WNT2B: variants seen among roughly 807,000 people sequenced by gnomAD.
WNT2B encodes the protein Wnt family member 2B.
Under a neutral mutation model 40.5 loss-of-function variants are expected in WNT2B, and 19 were observed. The observed-to-expected ratio is 0.47, with a 90% CI of 0.33 to 0.69. The LOEUF (loss-of-function observed/expected upper bound fraction) is 0.69, where lower values mean the gene tolerates loss of function less well. Ranked by LOEUF, WNT2B falls within the 30% of genes least tolerant of loss-of-function variation. The probability of loss-of-function intolerance (pLI) is 0.02; values close to 1 mark genes in which losing one functional copy is unlikely to be tolerated. For synonymous variants in WNT2B, 220 were observed against 211.9 expected, an observed-to-expected ratio of 1.04 and a Z score of -0.33; for missense variants, 467 against 556.4, an observed-to-expected ratio of 0.84 and a Z score of 1.62.
rs948760829 is a variant in WNT2B at position 112,473,008 on chromosome 1, G to GGA, written c.-95+5429_-95+5430dup. Among the ~76,000 whole-genome samples, 7 of 131,326 alleles carry GGA rather than the reference G, an allele frequency of 5.3e-5. 1 individual carries two copies. Among genetic ancestry groups the GGA allele is most frequent in the Admixed American group, 5.3e-4 (7 of 13,262 alleles). 86.2% of individuals were successfully genotyped at this position (131,326 alleles called of 152,430 possible). On this transcript the variant is annotated intron_variant, in intron 1 of 4. Coordinates refer to the WNT2B transcript ENST00000256640. The stretch of plus-strand genomic sequence containing the variant: ...AGAGAGGGAGGGAGGGGAGGGAAGG[G>GGA]GAGAGAGAGAGAGGGAAGGAGGGAG...
rs1652267962 is a variant in WNT2B at position 112,509,499 on chromosome 1, G to A, written c.182+55G>A. The A allele has an allele frequency of 6.6e-7, 1 of 1,507,334 alleles. No homozygotes were observed. The highest frequency in any genetic ancestry group is 8.7e-7 in the Non-Finnish European group (1 of 1,145,712). 93.4% of individuals were successfully genotyped at this position (1,507,334 alleles called of 1,614,324 possible). A position where few individuals can be genotyped will look rare whatever the true frequency, so the allele number is the denominator to read the frequency against. ...AGGCGCTTGGTAGGAGAGGCCGGAG[G>A]CGCCTGGAGGGACTGGCTGCTCACG... On this transcript the variant is annotated intron_variant, in intron 1 of 4. Coordinates refer to ENST00000369684, the MANE Select transcript of WNT2B (RefSeq NM_024494.3). This position sits in a 1 kb window ranked among gnomAD's most constrained non-coding sequence, Gnocchi z 4.2.
chr1:112,478,787 G>T, intron 1 of WNT2B, among the ~76,000 whole-genome samples: 1 of 152,104 alleles, frequency 6.6e-6, no homozygotes. Context: ...GCCAGGTGTG[G>T]TGACACACTC....
At chr1:112,476,088 A>T (rs1013859586) in intron 1 of WNT2B, among the ~76,000 whole-genome samples, 1 of 152,252 alleles carries the variant, frequency 6.6e-6, no homozygotes, top group African/African-American at 2.4e-5. Flanking sequence ...GATCTAAATC[A>T]TGCAAATTAT....
Position 112,509,117 on chromosome 1 carries a change from C to T in WNT2B, c.-146C>T, listed in dbSNP as rs1652240422. ...CCCTCTCGGGGATCCTCCTCCCGGG[C>T]TCTGGACCCCAGGTGATCCTAGGTC... is the stretch of plus-strand genomic sequence containing the variant. On this transcript the variant is annotated 5_prime_UTR_variant, in exon 1 of 5. Coordinates refer to ENST00000369684, the MANE Select transcript of WNT2B (RefSeq NM_024494.3). The surrounding 1 kb of genome is among the most constrained non-coding windows in gnomAD (Gnocchi z 4.2). The T allele has an allele frequency of 2.2e-6, 3 of 1,363,746 alleles. No individual in the cohort carries two copies. In the South Asian group the frequency reaches 5.3e-5, roughly 24 times the overall value. 84.5% of individuals were successfully genotyped at this position (1,363,746 alleles called of 1,614,324 possible).
chr1:112,508,424 T>G (rs1044818061), upstream of WNT2B, among the ~76,000 whole-genome samples: 5 of 151,604 alleles, frequency 3.3e-5, no homozygotes, highest in Non-Finnish European at 5.9e-5. The surrounding 1 kb of genome is among the most constrained non-coding windows in gnomAD (Gnocchi z 4.2). Flanking sequence ...GCAGGGGCGA[T>G]GAGCTCTAGC....
At chr1:112,491,095 A>C in intron 1 of WNT2B, 1 of 1,612,362 alleles carries the variant, frequency 6.2e-7, no homozygotes, top group Non-Finnish European at 8.5e-7. Context: ...CATGATAATT[A>C]AAATGTCAGA....
At position 112,509,215 on chromosome 1, in the gene WNT2B, C is replaced by A; in HGVS notation, c.-48C>A. 6.9e-7 allele frequency: 1 copy of A among 1,456,504 alleles called. No individual in the cohort carries two copies. Among genetic ancestry groups the A allele is most frequent in the South Asian group, 1.4e-5 (1 of 71,502 alleles). The allele number at this position is 1,456,504 out of a possible 1,614,324, so 90.2% of individuals were successfully genotyped here. On this transcript the variant is annotated 5_prime_UTR_variant, in exon 1 of 5. Transcript: ENST00000369684. This position sits in a 1 kb window ranked among gnomAD's most constrained non-coding sequence, Gnocchi z 4.2. ...GCAGCCTGAGTACCCCCAGAAGGTGCCCCGTCCACGCCCCTCCGGGCTGCG... is the reference window on the plus strand; with the variant it reads ...GCAGCCTGAGTACCCCCAGAAGGTGACCCGTCCACGCCCCTCCGGGCTGCG...
At chr1:112,471,209 G>A (rs962081544) in intron 1 of WNT2B, among the ~76,000 whole-genome samples, 2 of 152,198 alleles carry the variant, frequency 1.3e-5, no homozygotes, top group Non-Finnish European at 1.5e-5. Context: ...ATGTGACCCT[G>A]CATGAGTCCC....
At chr1:112,514,046 C>G (rs903777511) in intron 1 of WNT2B, among the ~76,000 whole-genome samples, 2 of 152,178 alleles carry the variant, frequency 1.3e-5, no homozygotes, top group African/African-American at 4.8e-5. Context: ...GGCAACCCAC[C>G]TATTCTTTAG....
intron 1 of WNT2B, among the ~76,000 whole-genome samples, chr1:112,468,660 AT>A (rs1280119074): frequency 2.6e-5 from 4 of 151,578 alleles, no homozygotes; most frequent in Non-Finnish European, 5.9e-5. Context: ...TATTATTATT[AT>A]TTATTGTTTA....
rs188827419 is a variant in WNT2B, at chr1:112,488,991, A to G, written c.-95+21400A>G. On this transcript the variant is annotated intron_variant, in intron 1 of 4. Transcript: ENST00000256640. Reference sequence around the variant, plus strand: ...TCACTGTTGTGAGAGTGTAAATTGCAGTGAAATTAAGCATCTGTGCATCCT... The same window carrying G: ...TCACTGTTGTGAGAGTGTAAATTGCGGTGAAATTAAGCATCTGTGCATCCT... Among the ~76,000 whole-genome samples, 4 of 152,302 alleles carry G rather than the reference A, an allele frequency of 2.6e-5. No individual in the cohort carries two copies. The East Asian group carries it at 7.7e-4, about 29-fold the overall frequency.
At chr1:112,484,272 C>CATATATATATATATATATATACACATAT (rs60819225) in intron 1 of WNT2B, among the ~76,000 whole-genome samples, 2 of 123,266 alleles carry the variant, frequency 1.6e-5, no homozygotes, top group East Asian at 4.5e-4. Context: ...TATATATACA[C>CATATATATATATATATATATACACATAT]ATATATATAT....
At position 112,516,155 on chromosome 1, in the gene WNT2B, C is replaced by T; in HGVS notation, c.419C>T (p.Ala140Val). The T allele has an allele frequency of 6.2e-7, 1 of 1,612,446 alleles. No homozygotes were observed. Among genetic ancestry groups the T allele is most frequent in the Non-Finnish European group, 8.5e-7 (1 of 1,178,762 alleles). ...CTCTCTCTAGGTAGCCGAGAGGCAG[C>T]TTTTGTATATGCCATCTCATCAGCA... ...RVMLRSSREA[A>V]FVYAISSAGV... Residue 140 changes from alanine to valine, a missense_variant, in exon 3 of 5, where the codon GCT (alanine) becomes GTT (valine). Transcript: ENST00000369684.
intron 1 of WNT2B, among the ~76,000 whole-genome samples, chr1:112,481,055 G>A (rs992128660): frequency 6.6e-6 from 1 of 151,978 alleles, no homozygotes; most frequent in Non-Finnish European, 1.5e-5. Flanking sequence ...TGTAATCCGA[G>A]CTACTCAGGA....
intron 1 of WNT2B, among the ~76,000 whole-genome samples, chr1:112,479,778 T>C (rs1244309001): frequency 6.6e-6 from 1 of 151,874 alleles, no homozygotes; most frequent in Non-Finnish European, 1.5e-5. Context: ...GTGTCGCATC[T>C]CTGCTCACTG....
intron 1 of WNT2B, 109 bp from the exon 2 acceptor site, chr1:112,514,765 G>T: frequency 9.9e-7 from 1 of 1,008,474 alleles, no homozygotes; most frequent in Non-Finnish European, 1.5e-6. Context: ...GTTAGGGAGA[G>T]GGGACAGAAT....
intron 1 of WNT2B, among the ~76,000 whole-genome samples, chr1:112,482,918 T>G (rs1651274013): frequency 6.6e-6 from 1 of 152,168 alleles, no homozygotes; most frequent in South Asian, 2.1e-4. Flanking sequence ...ATGGTATTCT[T>G]TACAGAAATA....
At chr1:112,468,635 T>C (rs1174461394) in intron 1 of WNT2B, among the ~76,000 whole-genome samples, 2 of 152,118 alleles carry the variant, frequency 1.3e-5, no homozygotes, top group Admixed American at 6.5e-5. Context: ...TTTCCCATTT[T>C]AATGGGATTA....
At chr1:112,480,880 C>A (rs1182940872) in intron 1 of WNT2B, among the ~76,000 whole-genome samples, 1 of 151,982 alleles carries the variant, frequency 6.6e-6, no homozygotes, top group Non-Finnish European at 1.5e-5. Context: ...AAAAATTATA[C>A]ACCATAGGCC....
Sources: gnomAD v4.1 joint callset for allele counts (sites outside exome capture counted in the v4.1 genomes callset) on GRCh38, gnomAD v4.1.1 for gene constraint, Gnocchi (gnomAD v3.1) non-coding constraint, MANE v1.5 for transcripts, NCBI Gene and HGNC (gene_info 2026-07-23, HGNC 2026-07-21) for gene names.